HYDIN: variants seen among roughly 807,000 people sequenced by gnomAD.
HYDIN encodes the protein axonemal central pair apparatus protein HYDIN.
A neutral mutation model predicts 403.9 loss-of-function variants in HYDIN; 132 were observed. That is an observed-to-expected ratio of 0.33 (90% CI 0.28 to 0.38). HYDIN has a LOEUF of 0.38. Ranked by LOEUF, HYDIN falls within the 10% of genes least tolerant of loss-of-function variation. The probability of loss-of-function intolerance (pLI) is 1.00; values close to 1 mark genes in which losing one functional copy is unlikely to be tolerated. For missense variants in HYDIN, 2,827 were observed against 5,009.5 expected, an observed-to-expected ratio of 0.56 and a Z score of 13.15; for synonymous variants, 1,202 against 1,891.7, an observed-to-expected ratio of 0.64 and a Z score of 9.46.
chr16:71,081,436 G>A (rs1461489922), intron 12 of HYDIN, among the ~76,000 whole-genome samples: 1 of 151,646 alleles, frequency 6.6e-6, no homozygotes, highest in Non-Finnish European at 1.5e-5. Flanking sequence ...AGTTGAGAAC[G>A]ACGTCAACAA....
At chr16:71,174,360 T>C (rs2086581135) in intron 5 of HYDIN, among the ~76,000 whole-genome samples, 1 of 152,164 alleles carries the variant, frequency 6.6e-6, no homozygotes. Flanking sequence ...CAGCAGCCGA[T>C]AGGTACTAGC....
Position 70,918,138 on chromosome 16 carries a change from G to C in HYDIN, c.8004+73C>G, listed in dbSNP as rs1476739791. 7.9e-5 allele frequency: 36 copies of C among 458,510 alleles called. 1 individual carries two copies. Among genetic ancestry groups the C allele is most frequent in the Middle Eastern group, 8.4e-4 (2 of 2,384 alleles). 28.4% of individuals were successfully genotyped at this position (458,510 alleles called of 1,614,324 possible). On this transcript the variant is annotated intron_variant, in intron 47 of 85. Transcript: ENST00000393567. ...CATGCCAGGCTCCATTTTTGGTCTG[G>C]TGGAGGGTGACCTTCTCTCCCTGCC...
intron 10 of HYDIN, among the ~76,000 whole-genome samples, chr16:71,115,159 T>C (rs1463094828): frequency 1.3e-5 from 2 of 151,478 alleles, no homozygotes; most frequent in Non-Finnish European, 2.9e-5. Context: ...GGAAAGACTA[T>C]GTGGAGGTAA....
intron 47 of HYDIN, among the ~76,000 whole-genome samples, chr16:70,911,920 G>A (rs1276822795): frequency 1.3e-5 from 2 of 150,368 alleles, no homozygotes; most frequent in Non-Finnish European, 2.9e-5. Context: ...CTTGGTCATT[G>A]TTGGTGTATA....
intron 10 of HYDIN, among the ~76,000 whole-genome samples, chr16:71,110,278 ATATAT>A (rs1181822783): frequency 6.9e-6 from 1 of 145,100 alleles, no homozygotes; most frequent in African/African-American, 2.5e-5. Flanking sequence ...GATATACATA[ATATAT>A]AATAGATATA....
intron 1 of HYDIN, among the ~76,000 whole-genome samples, chr16:71,225,309 G>C (rs1202600226): frequency 2.0e-5 from 3 of 152,120 alleles, no homozygotes; most frequent in African/African-American, 4.8e-5. Flanking sequence ...AGGTATCTAG[G>C]TTGCTGCCCA....
At chr16:70,899,046 C>T (rs1290417099) in intron 53 of HYDIN, among the ~76,000 whole-genome samples, 3 of 151,388 alleles carry the variant, frequency 2.0e-5, no homozygotes, top group African/African-American at 7.3e-5. Context: ...GATGGGATTA[C>T]AGGCGTTAGC....
At chr16:71,010,828 G>A (rs1206627749) in intron 23 of HYDIN, among the ~76,000 whole-genome samples, 1 of 151,956 alleles carries the variant, frequency 6.6e-6, no homozygotes, top group Non-Finnish European at 1.5e-5. Context: ...TGGGCCCTTG[G>A]GCAGAACAAG....
chr16:71,024,709 C>T (rs1407678293), intron 21 of HYDIN, among the ~76,000 whole-genome samples: 2 of 139,096 alleles, frequency 1.4e-5, no homozygotes, highest in Admixed American at 1.5e-4. Flanking sequence ...CACCCCATCT[C>T]TTCACTATCC....
chr16:71,230,703 T>C lies in HYDIN; in HGVS notation c.-165A>G, dbSNP rs1230072243. ...CACTCTCCATGCGCCGCCCGAGCTG[T>C]TGCCGTCCGTTGCCACGGTAACCAC... On this transcript the variant is annotated 5_prime_UTR_variant, in exon 1 of 86. Coordinates refer to ENST00000393567, the MANE Select transcript of HYDIN (RefSeq NM_001270974.2). The C allele has an allele frequency of 6.5e-7, 1 of 1,535,880 alleles. No individual in the cohort carries two copies. The highest frequency in any genetic ancestry group is 8.7e-7 in the Non-Finnish European group (1 of 1,146,852).
At chr16:71,042,687 C>T (rs2081324571) in intron 18 of HYDIN, among the ~76,000 whole-genome samples, 1 of 152,198 alleles carries the variant, frequency 6.6e-6, no homozygotes, top group Non-Finnish European at 1.5e-5. Flanking sequence ...ATGGACATCA[C>T]ATTCATCCAA....
In HYDIN at chr16:71,227,637, A is replaced by T. The variant is rs557824573; in HGVS notation, c.-24+2925T>A. On this transcript the variant is annotated intron_variant, in intron 1 of 85. Coordinates refer to ENST00000393567, the MANE Select transcript of HYDIN (RefSeq NM_001270974.2). ...GTGAAGGAACTCTTCAAGGAGAAGT[A>T]CAAACCACTGCTCAACGAAATAAAA... 3.4e-3 allele frequency among the ~76,000 whole-genome samples: 524 copies of T among 152,358 alleles called. 2 individuals carry two copies. Among genetic ancestry groups the T allele is most frequent in the Non-Finnish European group, 6.3e-3 (427 of 68,026 alleles).
At position 70,802,727 on chromosome 16, in the gene HYDIN, G is replaced by A. The variant is rs1384420388; in HGVS notation, c.*4853C>T. 1.3e-5 allele frequency: 2 copies of A among 152,132 alleles called. No homozygotes were observed. Among genetic ancestry groups the A allele is most frequent in the Non-Finnish European group, 1.5e-5 (1 of 68,022 alleles). 9.4% of individuals were successfully genotyped at this position (152,132 alleles called of 1,614,324 possible). A position where few individuals can be genotyped will look rare whatever the true frequency, so the allele number is the denominator to read the frequency against. ...TCCTAGTTTTGTGGTAATTTGTTATGCAGCCATAGAAAATGAATACAAAGG... is the reference window on the plus strand; with the variant it reads ...TCCTAGTTTTGTGGTAATTTGTTATACAGCCATAGAAAATGAATACAAAGG... On this transcript the variant is annotated 3_prime_UTR_variant, in exon 86 of 86. Transcript: ENST00000393567.
chr16:71,011,137 A>C (rs1373684834), intron 23 of HYDIN, among the ~76,000 whole-genome samples: 1 of 152,178 alleles, frequency 6.6e-6, no homozygotes, highest in African/African-American at 2.4e-5. Flanking sequence ...GGGCTGCTTC[A>C]CTTAGCAGCA....
At chr16:71,152,579 T>C (rs1346371745) in intron 7 of HYDIN, 80 bp downstream of exon 7, 1 of 825,372 alleles carries the variant, frequency 1.2e-6, no homozygotes, top group East Asian at 2.7e-5. Flanking sequence ...TCCTCGTAGC[T>C]TGGTTCCCAC....
At position 71,069,328 on chromosome 16, in the gene HYDIN, T is replaced by G; in HGVS notation, c.1913A>C (p.Lys638Thr). The change falls in exon 14 of 86, where the codon AAA (lysine) becomes ACA (threonine). Residue 638 changes from lysine (K) to threonine (T), a missense_variant. By Grantham distance (78) the Lys-to-Thr change is moderately conservative. Transcript: ENST00000393567. ...TKEEISSMKPKEFTISPDCGT... is the reference protein window; with the variant it reads ...TKEEISSMKPTEFTISPDCGT... ...ACAGTCAGGAGAGATGGTGAATTCT[T>G]TTGGTTTCATTGAGGATATTTCTTC... The G allele has an allele frequency of 6.2e-7, 1 of 1,613,934 alleles. No individual in the cohort carries two copies. Among genetic ancestry groups the G allele is most frequent in the Middle Eastern group, 1.6e-4 (1 of 6,062 alleles).
intron 19 of HYDIN, among the ~76,000 whole-genome samples, chr16:71,029,212 G>C (rs2080820876): frequency 6.6e-6 from 1 of 150,700 alleles, no homozygotes; most frequent in Non-Finnish European, 1.5e-5. Context: ...ACTTTCCCTT[G>C]TAGTGTGAAA....
intron 8 of HYDIN, among the ~76,000 whole-genome samples, chr16:71,133,457 T>TATTATG (rs1389351880): frequency 1.3e-5 from 2 of 152,240 alleles, no homozygotes; most frequent in African/African-American, 4.8e-5. Flanking sequence ...AGATTAAGTT[T>TATTATG]ATTATGACAC....
At chr16:70,879,032 T>C (rs1160156263) in intron 62 of HYDIN, among the ~76,000 whole-genome samples, 1 of 150,950 alleles carries the variant, frequency 6.6e-6, no homozygotes, top group Non-Finnish European at 1.5e-5. Context: ...AGAACACCCA[T>C]AATCCTACCC....
Sources: allele counts gnomAD v4.1 joint callset (sites outside exome capture counted in the v4.1 genomes callset), GRCh38; gene constraint gnomAD v4.1.1; transcripts MANE v1.5; gene names NCBI Gene and HGNC (gene_info 2026-07-23, HGNC 2026-07-21).